PITPNM3: variants seen among roughly 807,000 people sequenced by gnomAD.
The protein encoded by PITPNM3 is membrane-associated phosphatidylinositol transfer protein 3.
Under a neutral mutation model 102.0 loss-of-function variants are expected in PITPNM3, and 26 were observed. The observed-to-expected ratio is 0.25, with a 90% confidence interval of 0.19 to 0.35. PITPNM3 has a LOEUF of 0.35. PITPNM3 is among the 10% of genes least tolerant of loss of function. PITPNM3 has a pLI of 1.00. For synonymous variants in PITPNM3, 578 were observed against 558.6 expected (o/e 1.03, Z -0.49); for missense variants, 1,083 against 1,346.1 (o/e 0.80, Z 3.06).
intron 3 of PITPNM3, among the ~76,000 whole-genome samples, chr17:6,523,154 C>T (rs1015720209): frequency 7.2e-5 from 11 of 152,146 alleles, no homozygotes; most frequent in African/African-American, 2.4e-4. Flanking sequence ...GTAAGCACTG[C>T]CCTTCATTCA....
In PITPNM3 at chr17:6,517,795, A is replaced by G. The variant is rs1383837696; in HGVS notation, c.226+7561T>C. 6.6e-6 allele frequency among the ~76,000 whole-genome samples: 1 copy of G among 152,166 alleles called. No homozygotes were observed. Among genetic ancestry groups the G allele is most frequent in the East Asian group, 1.9e-4 (1 of 5,182 alleles). On this transcript the variant is annotated intron_variant, in intron 3 of 19. Coordinates refer to ENST00000262483, the MANE Select transcript of PITPNM3 (RefSeq NM_031220.4). This position sits in a 1 kb window ranked among gnomAD's most constrained non-coding sequence, Gnocchi z 4.1. ...GGCTGGTCCCAAATTCCTGGGCTCAAGCGATCCTCCCACCTCGGCCTCCCA... is the reference window on the plus strand; with the variant it reads ...GGCTGGTCCCAAATTCCTGGGCTCAGGCGATCCTCCCACCTCGGCCTCCCA...
intron 1 of PITPNM3, among the ~76,000 whole-genome samples, chr17:6,539,687 A>C (rs981795543): frequency 2.6e-5 from 4 of 152,246 alleles, no homozygotes; most frequent in Admixed American, 6.5e-5. Flanking sequence ...ATTATTCCTG[A>C]ATTATATCAA....
intron 1 of PITPNM3, among the ~76,000 whole-genome samples, chr17:6,547,746 T>G (rs1415172005): frequency 6.6e-6 from 1 of 151,600 alleles, no homozygotes; most frequent in Non-Finnish European, 1.5e-5. Flanking sequence ...TTCTTTTCTT[T>G]TTTTTTTTGA....
chr17:6,487,815 A>G (rs981952276), intron 4 of PITPNM3, among the ~76,000 whole-genome samples: 2 of 152,118 alleles, frequency 1.3e-5, no homozygotes, highest in Non-Finnish European at 2.9e-5. Context: ...CCTGGCCACC[A>G]ACGATGTTGA....
intron 3 of PITPNM3, among the ~76,000 whole-genome samples, chr17:6,508,648 G>A (rs759185842): frequency 3.3e-5 from 5 of 152,208 alleles, no homozygotes; most frequent in Admixed American, 6.5e-5. Context: ...GAGAGGATGC[G>A]TCCAGAGGCT....
intron 4 of PITPNM3, among the ~76,000 whole-genome samples, chr17:6,496,894 G>A (rs1007253397): frequency 6.6e-6 from 1 of 152,144 alleles, no homozygotes; most frequent in African/African-American, 2.4e-5. Context: ...ATGCACCAAT[G>A]CATTGGCATA....
At chr17:6,512,783 A>C (rs1907942357) in intron 3 of PITPNM3, among the ~76,000 whole-genome samples, 1 of 152,204 alleles carries the variant, frequency 6.6e-6, no homozygotes, top group Admixed American at 6.5e-5. Flanking sequence ...CCTTCCTGTC[A>C]ACAAGAACGT....
chr17:6,458,217 A>G lies in PITPNM3; in HGVS notation c.2491-495T>C, dbSNP rs1914188321. 6.6e-6 allele frequency among the ~76,000 whole-genome samples: 1 copy of G among 151,510 alleles called. No homozygotes were observed. The highest frequency in any genetic ancestry group is 2.4e-5 in the African/African-American group (1 of 41,174). ...CCCAATTCAATTCAGAGAACTGCAC[A>G]AGGTCCGTCTTGCTCCAGGGGCACT... On this transcript the variant is annotated intron_variant, in intron 18 of 19. Transcript: ENST00000262483. This position sits in a 1 kb window ranked among gnomAD's most constrained non-coding sequence, Gnocchi z 5.1.
intron 14 of PITPNM3, among the ~76,000 whole-genome samples, chr17:6,465,338 G>GCCTGGC (rs2150719455): frequency 6.6e-6 from 1 of 152,316 alleles, no homozygotes; most frequent in South Asian, 2.1e-4. Context: ...GAGCCACCGT[G>GCCTGGC]CCTGGCCCGT....
intron 4 of PITPNM3, among the ~76,000 whole-genome samples, chr17:6,498,113 A>G (rs148084714): frequency 1.3e-5 from 2 of 152,290 alleles, no homozygotes; most frequent in African/African-American, 4.8e-5. Context: ...ATATTGCAGC[A>G]GGAGGGGTGA....
In PITPNM3 at chr17:6,478,137, C is replaced by CTGA; in HGVS notation, c.778-43_778-41dup. 1 of 1,610,726 alleles carries CTGA rather than the reference C, an allele frequency of 6.2e-7. No individual in the cohort carries two copies. The highest frequency in any genetic ancestry group is 8.5e-7 in the Non-Finnish European group (1 of 1,179,960). On this transcript the variant is annotated intron_variant, in intron 7 of 19. Transcript: ENST00000262483. The surrounding 1 kb of genome is among the most constrained non-coding windows in gnomAD (Gnocchi z 4.4). ...GCTGGGACTGCAGGCCTGCCCACTG[C>CTGA]TGACCCCTCACCCCCACACCCGGCC... is the stretch of plus-strand genomic sequence containing the variant.
rs1299686430 is a variant in PITPNM3, at chr17:6,483,589, G to A, written c.515C>T (p.Ala172Val). 6.2e-7 allele frequency: 1 copy of A among 1,614,128 alleles called. No individual in the cohort carries two copies. The highest frequency in any genetic ancestry group is 1.1e-5 in the South Asian group (1 of 91,082). Residue 172 changes from alanine to valine, a missense_variant, in exon 6 of 20, where the codon GCC (alanine) becomes GTC (valine). Transcript: ENST00000262483. ...EKVTRAHFPAALGHILIKFVP... is the reference protein window; with the variant it reads ...EKVTRAHFPAVLGHILIKFVP... Reference sequence around the variant, plus strand: ...GAACTTGATGAGGATGTGGCCCAGGGCAGCAGGGAAATGGGCTCGTGTGAC... The same window carrying A: ...GAACTTGATGAGGATGTGGCCCAGGACAGCAGGGAAATGGGCTCGTGTGAC...
At chr17:6,477,234 C>A (rs1408042008) in intron 8 of PITPNM3, 21 bp from the exon 9 acceptor site, 2 of 1,612,272 alleles carry the variant, frequency 1.2e-6, no homozygotes, top group Non-Finnish European at 1.7e-6. Flanking sequence ...GAACAGGGGA[C>A]AGGAGAGAAA....
chr17:6,471,799 T>C (rs2150725871), intron 11 of PITPNM3, among the ~76,000 whole-genome samples: 2 of 152,080 alleles, frequency 1.3e-5, no homozygotes, highest in South Asian at 2.1e-4. Flanking sequence ...GCCTGAGAGC[T>C]AGGATAGCCT....
chr17:6,493,801 G>A (rs1386357915), intron 4 of PITPNM3, among the ~76,000 whole-genome samples: 2 of 152,218 alleles, frequency 1.3e-5, no homozygotes, highest in Non-Finnish European at 2.9e-5. Context: ...GAGGGCCTAT[G>A]CCCTAAACCC....
In PITPNM3 at chr17:6,470,455, T is replaced by C. The variant is rs752085670; in HGVS notation, c.1625-47A>G. 4.3e-6 allele frequency: 7 copies of C among 1,612,962 alleles called. No homozygotes were observed. In the South Asian group the frequency reaches 7.7e-5, roughly 18 times the overall value. On this transcript the variant is annotated intron_variant, in intron 12 of 19. Coordinates refer to ENST00000262483, the MANE Select transcript of PITPNM3 (RefSeq NM_031220.4). The surrounding 1 kb of genome is among the most constrained non-coding windows in gnomAD (Gnocchi z 4.8). The stretch of plus-strand genomic sequence containing the variant: ...GAGGATGCGTGGCCGGCCCGGGGCC[T>C]CACCCGAGGGGCAGCGGGGTCTCCC...
rs755956705 is a variant in PITPNM3 at position 6,455,333 on chromosome 17, A to G, written c.*5T>C. The G allele has an allele frequency of 2.5e-6, 4 of 1,568,900 alleles. No individual in the cohort carries two copies. The South Asian group carries it at 4.8e-5, about 19-fold the overall frequency. ...CCGCTCCCTGCTCTGAGCACAGCCC[A>G]CCCCTCAGGGCACCGACTCGAACTT... On this transcript the variant is annotated 3_prime_UTR_variant, in exon 20 of 20. Coordinates refer to ENST00000262483, the MANE Select transcript of PITPNM3 (RefSeq NM_031220.4).
chr17:6,543,726 C>T (rs917439789), intron 1 of PITPNM3, among the ~76,000 whole-genome samples: 3 of 152,134 alleles, frequency 2.0e-5, no homozygotes, highest in African/African-American at 7.2e-5. Flanking sequence ...GACGTCCTGG[C>T]CCGTGTGAAA....
At position 6,483,373 on chromosome 17, in the gene PITPNM3, A is replaced by T. The variant is rs1905860368; in HGVS notation, c.587+144T>A. On this transcript the variant is annotated intron_variant, in intron 6 of 19. Transcript: ENST00000262483. Reference sequence around the variant, plus strand: ...ACTCTTCCCACACCTTCCACCAGGGATGCTTGTGTTTCGTCACGATCTGAC... The same window carrying T: ...ACTCTTCCCACACCTTCCACCAGGGTTGCTTGTGTTTCGTCACGATCTGAC... The T allele has an allele frequency of 3.7e-6, 3 of 819,922 alleles. No homozygotes were observed. The Admixed American group carries it at 6.1e-5, about 17-fold the overall frequency. The allele number at this position is 819,922 out of a possible 1,614,324, so 50.8% of individuals were successfully genotyped here.
Sources: gnomAD v4.1 joint callset for allele counts (sites outside exome capture counted in the v4.1 genomes callset) on GRCh38, gnomAD v4.1.1 for gene constraint, Gnocchi (gnomAD v3.1) non-coding constraint, MANE v1.5 for transcripts, NCBI Gene and HGNC (gene_info 2026-07-23, HGNC 2026-07-21) for gene names.